The following APOBEC3G variants were observed in gnomAD, a reference collection of about 807,000 sequenced individuals.
APOBEC3G encodes apolipoprotein B mRNA editing enzyme catalytic subunit 3G.
A neutral mutation model predicts 50.0 loss-of-function variants in APOBEC3G; 44 were observed. The observed-to-expected ratio is 0.88, with a 90% CI of 0.69 to 1.13. APOBEC3G has a LOEUF of 1.13. Among genes scored for constraint, APOBEC3G ranks in the 50% most tolerant of loss-of-function variants. APOBEC3G has a pLI of 0.00. For missense variants in APOBEC3G, 469 were observed against 492.0 expected (o/e 0.95, Z 0.44); for synonymous variants, 156 against 175.3 (o/e 0.89, Z 0.87).
Position 39,087,403 on chromosome 22 carries a change from C to A in APOBEC3G, c.1141-4C>A, listed in dbSNP as rs1014236678. 1 of 1,614,044 alleles carries A rather than the reference C, an allele frequency of 6.2e-7. No individual in the cohort carries two copies. The highest frequency in any genetic ancestry group is 1.7e-5 in the Admixed American group (1 of 60,002). On this transcript the variant is annotated splice_polypyrimidine_tract_variant and splice_region_variant and intron_variant, in intron 7 of 7. Coordinates refer to ENST00000407997, the MANE Select transcript of APOBEC3G (RefSeq NM_021822.4). ...TGCTCCATTCAACCTCCCTGCTCTT[C>A]CAGAATCAGGAAAACTGAAGGATGG...
Position 39,078,972 on chromosome 22 carries a change from A to T in APOBEC3G, c.58A>T (p.Asn20Tyr). The T allele has an allele frequency of 6.2e-7, 1 of 1,614,108 alleles. No individual in the cohort carries two copies. The highest frequency in any genetic ancestry group is 8.5e-7 in the Non-Finnish European group (1 of 1,180,004). Residue 20 changes from asparagine to tyrosine, a missense_variant, in exon 2 of 8, where the codon AAC (asparagine) becomes TAC (tyrosine). By Grantham distance (143) the Asn-to-Tyr change is moderately radical. Coordinates refer to ENST00000407997, the MANE Select transcript of APOBEC3G (RefSeq NM_021822.4). ...AATGTATCGAGACACATTCTCCTAC[A>T]ACTTTTATAATAGACCCATCCTTTC... ...ERMYRDTFSY[N>Y]FYNRPILSRR... is the part of the protein sequence containing the mutation.
At chr22:39,080,841 A>G (rs2058253065) in intron 2 of APOBEC3G, 92 bp from the exon 3 acceptor site, 7 of 1,152,432 alleles carry the variant, frequency 6.1e-6, no homozygotes, top group South Asian at 3.2e-5. Flanking sequence ...GATCTCCTGG[A>G]CTCCTGTCCT....
intron 4 of APOBEC3G, chr22:39,083,229 G>A (rs1928551680): frequency 6.6e-6 from 1 of 152,412 alleles, no homozygotes; most frequent in South Asian, 2.1e-4. Flanking sequence ...AATCCTGTGA[G>A]TTATTTAAAA....
At chr22:39,079,369 G>A (rs1928327184) in intron 2 of APOBEC3G, 1 of 333,884 alleles carries the variant, frequency 3.0e-6, no homozygotes, top group Admixed American at 4.7e-5. Context: ...TCAGGCTGGA[G>A]TGCAATGACG....
intron 4 of APOBEC3G, 64 bp downstream of exon 4, chr22:39,081,649 C>A: frequency 7.4e-7 from 1 of 1,355,364 alleles, no homozygotes; most frequent in Non-Finnish European, 1.0e-6. Flanking sequence ...CTCTTGAGGC[C>A]TCCCCTCTGT....
intron 5 of APOBEC3G, among the ~76,000 whole-genome samples, chr22:39,084,815 C>A (rs1180542642): frequency 1.3e-5 from 2 of 152,240 alleles, no homozygotes; most frequent in African/African-American, 4.8e-5. Context: ...AAGAGCTGGG[C>A]CAGGCCAGGC....
rs1928304487 is a variant in APOBEC3G at position 39,079,019 on chromosome 22, G to A, written c.105G>A (p.Leu35=). 6.2e-7 allele frequency: 1 copy of A among 1,614,224 alleles called. No homozygotes were observed. The highest frequency in any genetic ancestry group is 1.3e-5 in the African/African-American group (1 of 75,064). The change falls in exon 2 of 8, where the codon CTG becomes CTA. Residue 35 remains leucine, a synonymous_variant. Transcript: ENST00000407997. ...PILSRRNTVW[L]CYEVKTKGPS... is the part of the protein sequence containing the mutation. Reference sequence around the variant, plus strand: ...TTTCTCGTCGGAATACCGTCTGGCTGTGCTACGAAGTGAAAACAAAGGGTC... The same window carrying A: ...TTTCTCGTCGGAATACCGTCTGGCTATGCTACGAAGTGAAAACAAAGGGTC...
At chr22:39,080,793 C>G (rs747337991) in intron 2 of APOBEC3G, 140 bp from the exon 3 acceptor site, 9 of 784,464 alleles carry the variant, frequency 1.1e-5, no homozygotes, top group Non-Finnish European at 1.8e-5. Context: ...AACACTCAAA[C>G]CGAACAGGGG....
At position 39,081,078 on chromosome 22, in the gene APOBEC3G, C is replaced by G. The variant is rs756302637; in HGVS notation, c.317C>G (p.Thr106Arg). The G allele has an allele frequency of 6.2e-7, 1 of 1,614,100 alleles. No homozygotes were observed. The highest frequency in any genetic ancestry group is 1.3e-5 in the African/African-American group (1 of 74,936). ...PCTKCTRDMA[T>R]FLAEDPKVTL... ...ACAAAGTGTACAAGGGATATGGCCA[C>G]GTTCCTGGCCGAGGACCCGAAGGTT... is the stretch of plus-strand genomic sequence containing the variant. Residue 106 changes from threonine to arginine, a missense_variant, in exon 3 of 8, where the codon ACG becomes AGG. Thr to Arg is a moderately conservative substitution (Grantham distance 71). Transcript: ENST00000407997.
chr22:39,084,985 G>A (rs1345385750), intron 5 of APOBEC3G, among the ~76,000 whole-genome samples: 1 of 152,132 alleles, frequency 6.6e-6, no homozygotes, highest in Non-Finnish European at 1.5e-5. Flanking sequence ...CACACTGCTT[G>A]GAAGCTACTT....
chr22:39,083,347 G>A (rs12158985), intron 4 of APOBEC3G: 13,297 of 163,788 alleles, frequency 0.081, 646 homozygotes, highest in African/African-American at 0.14. Flanking sequence ...GGCAGGAGGG[G>A]TGCCCCAGTG....
chr22:39,083,627 A>G, intron 4 of APOBEC3G, 104 bp from the exon 5 acceptor site: 1 of 1,362,756 alleles, frequency 7.3e-7, no homozygotes, highest in Non-Finnish European at 1.0e-6. Context: ...GAGCCGGGGG[A>G]AGGAAGGAGG....
chr22:39,085,412 G>A (rs750820216), intron 5 of APOBEC3G, among the ~76,000 whole-genome samples: 6 of 152,200 alleles, frequency 3.9e-5, no homozygotes, highest in Non-Finnish European at 7.3e-5. Context: ...CATGAGGGAA[G>A]CACACGCAGC....
At chr22:39,079,452 C>G (rs1282415327) in intron 2 of APOBEC3G, 5 of 182,222 alleles carry the variant, frequency 2.7e-5, no homozygotes, top group Non-Finnish European at 5.7e-5. Flanking sequence ...CAAGTAGCTG[C>G]GATTACAGGT....
intron 6 of APOBEC3G, 108 bp from the exon 7 acceptor site, chr22:39,086,903 G>C: frequency 7.4e-7 from 1 of 1,344,856 alleles, no homozygotes; most frequent in Non-Finnish European, 1.0e-6. Flanking sequence ...AGAGGGAAAG[G>C]AGGGACTGAA....
intron 5 of APOBEC3G, among the ~76,000 whole-genome samples, chr22:39,085,469 C>A (rs1296028920): frequency 6.6e-6 from 1 of 152,230 alleles, no homozygotes; most frequent in Admixed American, 6.5e-5. Context: ...CCCCTCCCTG[C>A]AGGCCTGGGG....
chr22:39,087,267 C>A, intron 7 of APOBEC3G, 140 bp from the exon 8 acceptor site: 1 of 1,597,618 alleles, frequency 6.3e-7, no homozygotes, highest in Non-Finnish European at 8.6e-7. Context: ...CCTCCCTTTC[C>A]TTCTCACAGC....
intron 5 of APOBEC3G, 60 bp from the exon 6 acceptor site, chr22:39,086,219 A>G: frequency 6.6e-7 from 1 of 1,510,600 alleles, no homozygotes; most frequent in African/African-American, 1.4e-5. Flanking sequence ...CTGGGCAACA[A>G]GAGTGAAACT....
In APOBEC3G at chr22:39,081,546, A is replaced by G. The variant is rs763365772; in HGVS notation, c.542A>G (p.Tyr181Cys). 2.5e-6 allele frequency: 4 copies of G among 1,614,006 alleles called. No individual in the cohort carries two copies. The highest frequency in any genetic ancestry group is 2.5e-6 in the Non-Finnish European group (3 of 1,180,006). Residue 181 changes from tyrosine (Y) to cysteine (C), a missense_variant, in exon 4 of 8, where the codon TAT becomes TGT. By Grantham distance (194) the Tyr-to-Cys change is radical. Transcript: ENST00000407997. ...LFEPWNNLPK[Y>C]YILLHIMLGE... ...GAGCCTTGGAATAATCTGCCTAAATATTATATATTACTGCACATCATGCTG... is the reference window on the plus strand; with the variant it reads ...GAGCCTTGGAATAATCTGCCTAAATGTTATATATTACTGCACATCATGCTG...
Sources: allele counts gnomAD v4.1 joint callset (sites outside exome capture counted in the v4.1 genomes callset), GRCh38; gene constraint gnomAD v4.1.1; transcripts MANE v1.5; gene names NCBI Gene and HGNC (gene_info 2026-07-23, HGNC 2026-07-21).